Variants in MGAT4C observed in about 807,000 individuals in gnomAD.
The protein encoded by MGAT4C is MGAT4 family member C, also known as alpha-1,3-mannosyl-glycoprotein 4-beta-N-acetylglucosaminyltransferase C.
Under a neutral mutation model 40.1 loss-of-function variants are expected in MGAT4C, and 19 were observed. The observed-to-expected ratio is 0.47, with a 90% CI of 0.33 to 0.70. The LOEUF is 0.70. Among genes scored for constraint, MGAT4C ranks in the 30% least tolerant of loss-of-function variants. The pLI, the probability that MGAT4C is intolerant of heterozygous loss-of-function variation, is 0.02. For missense variants in MGAT4C, 491 were observed against 563.2 expected, an observed-to-expected ratio of 0.87 and a Z score of 1.30; for synonymous variants, 181 against 187.1, an observed-to-expected ratio of 0.97 and a Z score of 0.27.
chr12:86,093,143 G>C (rs990823072), intron 1 of MGAT4C, among the ~76,000 whole-genome samples: 1 of 152,086 alleles, frequency 6.6e-6, no homozygotes, highest in Admixed American at 6.6e-5. Flanking sequence ...AGAAAGAAAT[G>C]AATATGTCCT....
chr12:86,449,562 G>A (rs976545866), intron 2 of MGAT4C, among the ~76,000 whole-genome samples: 2 of 151,946 alleles, frequency 1.3e-5, no homozygotes, highest in African/African-American at 4.8e-5. Flanking sequence ...TGCCTTATGG[G>A]CCCTACCAAT....
intron 1 of MGAT4C, among the ~76,000 whole-genome samples, chr12:86,149,156 G>T (rs1417925499): frequency 6.6e-6 from 1 of 150,762 alleles, no homozygotes; most frequent in Non-Finnish European, 1.5e-5. Flanking sequence ...TATAGAAACT[G>T]TTTATTTTTT....
intron 1 of MGAT4C, among the ~76,000 whole-genome samples, chr12:86,059,833 C>CT (rs1034821630): frequency 6.6e-6 from 1 of 152,156 alleles, no homozygotes; most frequent in Non-Finnish European, 1.5e-5. Flanking sequence ...ACACAAGACT[C>CT]TAACACCGTG....
intron 2 of MGAT4C, among the ~76,000 whole-genome samples, chr12:86,462,845 G>A (rs772284319): frequency 7.8e-4 from 118 of 152,234 alleles, no homozygotes; most frequent in Non-Finnish European, 1.2e-3. Flanking sequence ...TTCCAGCTGC[G>A]CTGGAAGCTG....
intron 4 of MGAT4C, among the ~76,000 whole-genome samples, chr12:86,310,942 A>C (rs1954058362): frequency 6.6e-6 from 1 of 152,082 alleles, no homozygotes; most frequent in South Asian, 2.1e-4. Context: ...AACAAACAAA[A>C]AAACAAACAA....
chr12:86,423,582 A>G (rs921363299), intron 3 of MGAT4C, among the ~76,000 whole-genome samples: 2 of 152,130 alleles, frequency 1.3e-5, no homozygotes, highest in South Asian at 4.1e-4. Context: ...GTGTGTGTAT[A>G]GGGAATATAG....
rs183162170 is a variant in MGAT4C, at chr12:86,426,696, A to G, written c.-120+8461T>C. ...GGCGTGGTGGCTCACGCCTGTAATC[A>G]AAGCACTTTGGGAGGCCGAGGAGGG... On this transcript the variant is annotated intron_variant, in intron 3 of 7. Coordinates refer to the MGAT4C transcript ENST00000548651. 6.5e-3 allele frequency among the ~76,000 whole-genome samples: 984 copies of G among 152,244 alleles called. 10 individuals are homozygous for G. The highest frequency in any genetic ancestry group is 0.023 in the African/African-American group (941 of 41,544).
intron 4 of MGAT4C, among the ~76,000 whole-genome samples, chr12:86,295,691 C>T (rs536517301): frequency 6.6e-6 from 1 of 152,240 alleles, no homozygotes; most frequent in African/African-American, 2.4e-5. Context: ...TGTCAGGGTG[C>T]TGATTGGTGC....
chr12:86,118,200 T>C (rs1030994246), intron 1 of MGAT4C, among the ~76,000 whole-genome samples: 1 of 151,584 alleles, frequency 6.6e-6, no homozygotes, highest in Non-Finnish European at 1.5e-5. Flanking sequence ...AGGAAAAAAA[T>C]GCAACTCTTT....
chr12:86,226,785 G>T (rs369652578), intron 1 of MGAT4C, among the ~76,000 whole-genome samples: 5 of 151,878 alleles, frequency 3.3e-5, no homozygotes, highest in East Asian at 3.9e-4. Context: ...TTTCAGCGTT[G>T]TCAAAAGTTT....
intron 1 of MGAT4C, among the ~76,000 whole-genome samples, chr12:86,110,595 C>T (rs1330468934): frequency 2.0e-5 from 3 of 150,780 alleles, no homozygotes; most frequent in South Asian, 2.1e-4. Flanking sequence ...TAACAAATAA[C>T]GGTTTCTAAA....
intron 1 of MGAT4C, among the ~76,000 whole-genome samples, chr12:86,820,825 T>C (rs529450988): frequency 2.6e-5 from 4 of 150,950 alleles, no homozygotes; most frequent in African/African-American, 9.7e-5. Flanking sequence ...TAAGTCACAG[T>C]GGAGTTATTT....
intron 2 of MGAT4C, among the ~76,000 whole-genome samples, chr12:86,494,146 G>A (rs1419551160): frequency 6.6e-6 from 1 of 151,750 alleles, no homozygotes; most frequent in Non-Finnish European, 1.5e-5. Context: ...CCCCTTTTCT[G>A]AGTATAGTTT....
intron 1 of MGAT4C, among the ~76,000 whole-genome samples, chr12:86,785,904 A>G (rs989382179): frequency 3.3e-5 from 5 of 152,044 alleles, no homozygotes; most frequent in Non-Finnish European, 1.5e-5. Context: ...CCAAAGAAAC[A>G]TTCCAAGTAA....
At chr12:86,081,356 T>C (rs2135543671) in intron 1 of MGAT4C, among the ~76,000 whole-genome samples, 1 of 152,114 alleles carries the variant, frequency 6.6e-6, no homozygotes, top group Admixed American at 6.6e-5. Context: ...AATTCGGGAG[T>C]CTGTGATCCA....
chr12:86,522,632 T>A (rs1958814934), intron 2 of MGAT4C, among the ~76,000 whole-genome samples: 2 of 152,072 alleles, frequency 1.3e-5, no homozygotes, highest in African/African-American at 4.8e-5. Flanking sequence ...AAGGAAGTAT[T>A]TCTCCTCCTC....
Position 86,306,734 on chromosome 12 carries a change from C to T in MGAT4C, c.-57+27331G>A, listed in dbSNP as rs1358777340. The stretch of plus-strand genomic sequence containing the variant: ...AAGTGAATTGTAAACAAATAATGAC[C>T]TTTACATATATACATGCTAAGGTAT... On this transcript the variant is annotated intron_variant, in intron 4 of 7. Coordinates refer to the MGAT4C transcript ENST00000548651. Among the ~76,000 whole-genome samples, 2 of 150,212 alleles carry T rather than the reference C, an allele frequency of 1.3e-5. 1 individual carries two copies. Among genetic ancestry groups the T allele is most frequent in the African/African-American group, 5.0e-5 (2 of 39,824 alleles).
intron 1 of MGAT4C, among the ~76,000 whole-genome samples, chr12:86,814,042 C>G (rs1952533342): frequency 6.6e-6 from 1 of 151,804 alleles, no homozygotes. Flanking sequence ...TTCCAATTAG[C>G]TGGGACTACA....
chr12:86,543,891 G>T (rs915758672), intron 2 of MGAT4C, among the ~76,000 whole-genome samples: 18 of 152,066 alleles, frequency 1.2e-4, no homozygotes, highest in South Asian at 4.1e-4. Context: ...AGTCTGGGAG[G>T]TCCTTATTCA....
Sources: gnomAD v4.1 joint callset for allele counts (sites outside exome capture counted in the v4.1 genomes callset) on GRCh38, gnomAD v4.1.1 for gene constraint, MANE v1.5 for transcripts, NCBI Gene and HGNC (gene_info 2026-07-23, HGNC 2026-07-21) for gene names.